Variants in NAALADL2 observed in about 807,000 individuals in gnomAD.
NAALADL2 encodes inactive N-acetylated-alpha-linked acidic dipeptidase-like protein 2.
NAALADL2 carries 76 observed loss-of-function variants against 87.2 expected under a neutral mutation model. The observed-to-expected ratio is 0.87, with a 90% CI of 0.72 to 1.05. The LOEUF (loss-of-function observed/expected upper bound fraction) is 1.05. NAALADL2 is among the 50% of genes least tolerant of loss of function. NAALADL2 has a pLI of 0.00. For missense variants in NAALADL2, 1,089 were observed against 945.8 expected (o/e 1.15, Z -1.99); for synonymous variants, 354 against 331.0 (o/e 1.07, Z -0.75).
intron 5 of NAALADL2, among the ~76,000 whole-genome samples, chr3:175,403,104 C>T (rs538814759): frequency 1.4e-4 from 22 of 151,876 alleles, no homozygotes; most frequent in African/African-American, 5.1e-4. Flanking sequence ...ATGCTGAATG[C>T]GAGAAGGATA....
At chr3:174,575,180 A>G (rs1715386476) in intron 2 of NAALADL2, among the ~76,000 whole-genome samples, 1 of 152,130 alleles carries the variant, frequency 6.6e-6, no homozygotes, top group Non-Finnish European at 1.5e-5. Flanking sequence ...ATTTCTCTTG[A>G]TCAACTCTCC....
chr3:175,795,661 C>T (rs2108316354), intron 13 of NAALADL2, among the ~76,000 whole-genome samples: 1 of 150,934 alleles, frequency 6.6e-6, no homozygotes, highest in South Asian at 2.1e-4. Context: ...CCAGCCTGGG[C>T]AACATAGCGA....
rs1315657430 is a variant in NAALADL2 at position 174,867,646 on chromosome 3, T to C, written c.43+8196T>C. Among the ~76,000 whole-genome samples, 5 of 152,086 alleles carry C rather than the reference T, an allele frequency of 3.3e-5. No homozygotes were observed. In the East Asian group the frequency reaches 9.6e-4, roughly 29 times the overall value. ...GCACAGTCTTATTCCTATGTGTATA[T>C]GCAATTTACATTTATTCTAACATGA... On this transcript the variant is annotated intron_variant, in intron 1 of 13. Coordinates refer to ENST00000454872, the MANE Select transcript of NAALADL2 (RefSeq NM_207015.3).
At chr3:175,285,028 T>C (rs1754810411) in intron 4 of NAALADL2, among the ~76,000 whole-genome samples, 1 of 152,140 alleles carries the variant, frequency 6.6e-6, no homozygotes, top group Admixed American at 6.6e-5. Flanking sequence ...TTGCCTCCCA[T>C]ATTATGTGCA....
chr3:174,745,755 G>T (rs1734193903), intron 3 of NAALADL2, among the ~76,000 whole-genome samples: 1 of 152,122 alleles, frequency 6.6e-6, no homozygotes, highest in African/African-American at 2.4e-5. Context: ...GATCAAGTCA[G>T]CTTCGTCCCT....
chr3:174,896,904 C>T (rs1404642056), intron 1 of NAALADL2, among the ~76,000 whole-genome samples: 2 of 152,044 alleles, frequency 1.3e-5, no homozygotes, highest in African/African-American at 4.8e-5. Flanking sequence ...TGATAAGTTT[C>T]CAAAAGCATG....
chr3:175,463,539 T>A, intron 7 of NAALADL2, 46 bp downstream of exon 7: 1 of 994,660 alleles, frequency 1.0e-6, no homozygotes. Context: ...TATGAAACTA[T>A]ACAAGGAAAT....
chr3:174,451,843 GTTTTTTTTTT>G (rs764587503), intron 1 of NAALADL2, among the ~76,000 whole-genome samples: 18 of 98,096 alleles, frequency 1.8e-4, no homozygotes, highest in Non-Finnish European at 3.2e-4. Flanking sequence ...GATAGTGGGA[GTTTTTTTTTT>G]TTTTTTTTTT....
chr3:174,930,212 T>G (rs1334460564), intron 1 of NAALADL2, among the ~76,000 whole-genome samples: 1 of 152,174 alleles, frequency 6.6e-6, no homozygotes, highest in Non-Finnish European at 1.5e-5. Context: ...ATGGGCAAGG[T>G]CAGTTTGGGC....
chr3:174,714,486 G>A (rs1053054955), intron 2 of NAALADL2, among the ~76,000 whole-genome samples: 1 of 152,096 alleles, frequency 6.6e-6, no homozygotes, highest in Non-Finnish European at 1.5e-5. Flanking sequence ...TTGAGCAGTG[G>A]TTTGTAGTTC....
intron 2 of NAALADL2, among the ~76,000 whole-genome samples, chr3:174,713,190 A>G (rs1401379901): frequency 1.3e-5 from 2 of 152,120 alleles, no homozygotes; most frequent in Non-Finnish European, 2.9e-5. Flanking sequence ...CATTTTCTTA[A>G]TCCAGTCTAT....
intron 1 of NAALADL2, among the ~76,000 whole-genome samples, chr3:174,976,586 C>T (rs1217420528): frequency 1.3e-5 from 2 of 152,142 alleles, no homozygotes; most frequent in African/African-American, 2.4e-5. Context: ...TACAATCAAG[C>T]CTTGAAGTGT....
chr3:174,976,484 T>G (rs1744379456), intron 1 of NAALADL2, among the ~76,000 whole-genome samples: 1 of 152,226 alleles, frequency 6.6e-6, no homozygotes, highest in Non-Finnish European at 1.5e-5. Context: ...TGTGTTTGCC[T>G]TGATTCAGTG....
At chr3:175,356,598 A>AATAATAATAATG (rs1392422626) in intron 5 of NAALADL2, among the ~76,000 whole-genome samples, 3 of 146,786 alleles carry the variant, frequency 2.0e-5, no homozygotes, top group African/African-American at 7.4e-5. Context: ...TAATAATAAT[A>AATAATAATAATG]ATAATAATAA....
intron 5 of NAALADL2, among the ~76,000 whole-genome samples, chr3:175,384,547 T>C (rs1440683359): frequency 6.6e-6 from 1 of 151,988 alleles, no homozygotes; most frequent in Admixed American, 6.6e-5. Flanking sequence ...AAAGTAGTCA[T>C]ACACTTTAGG....
At chr3:174,571,220 A>G (rs1175325614) in intron 2 of NAALADL2, among the ~76,000 whole-genome samples, 8 of 152,204 alleles carry the variant, frequency 5.3e-5, no homozygotes, top group African/African-American at 1.9e-4. Context: ...ACAACTTGTT[A>G]ATATTATCTG....
intron 5 of NAALADL2, among the ~76,000 whole-genome samples, chr3:175,407,639 G>C (rs1024188746): frequency 6.6e-6 from 1 of 152,142 alleles, no homozygotes; most frequent in East Asian, 1.9e-4. Context: ...AGCACTAGAG[G>C]GAGAAAGTGA....
At chr3:175,762,222 A>C (rs1321045219) in intron 13 of NAALADL2, among the ~76,000 whole-genome samples, 2 of 113,844 alleles carry the variant, frequency 1.8e-5, no homozygotes, top group Admixed American at 1.1e-4. Flanking sequence ...GTAGATGTCC[A>C]GTTGTTCCAG....
At chr3:175,667,743 G>GTTTTTTTTTT (rs58514374) in intron 11 of NAALADL2, among the ~76,000 whole-genome samples, 1 of 120,040 alleles carries the variant, frequency 8.3e-6, no homozygotes, top group Non-Finnish European at 1.8e-5. Context: ...GTTTTTTGCT[G>GTTTTTTTTTT]TTTTTTTTTT....
Sources: gnomAD v4.1 joint callset for allele counts (sites outside exome capture counted in the v4.1 genomes callset) on GRCh38, gnomAD v4.1.1 for gene constraint, MANE v1.5 for transcripts, NCBI Gene and HGNC (gene_info 2026-07-23, HGNC 2026-07-21) for gene names.